Variants in LYN observed in about 807,000 individuals in gnomAD.
The protein encoded by LYN is tyrosine-protein kinase Lyn.
Under a neutral mutation model 65.0 loss-of-function variants are expected in LYN, and 12 were observed. The observed-to-expected ratio is 0.18, with a 90% CI of 0.12 to 0.30. LYN has a LOEUF of 0.30. Ranked by LOEUF, LYN falls within the 10% of genes least tolerant of loss-of-function variation. The probability of loss-of-function intolerance (pLI) is 1.00; values close to 1 mark genes in which losing one functional copy is unlikely to be tolerated. For missense variants in LYN, 380 were observed against 623.2 expected, an observed-to-expected ratio of 0.61 and a Z score of 4.16; for synonymous variants, 222 against 221.2, an observed-to-expected ratio of 1.00 and a Z score of -0.03.
At chr8:55,991,330 C>G (rs1346866208) in intron 10 of LYN, among the ~76,000 whole-genome samples, 1 of 152,204 alleles carries the variant, frequency 6.6e-6, no homozygotes, top group Non-Finnish European at 1.5e-5. Flanking sequence ...TTTCTCTGGT[C>G]CACTTGTGCC....
chr8:55,911,960 T>G (rs963781113), intron 1 of LYN, among the ~76,000 whole-genome samples: 3 of 152,104 alleles, frequency 2.0e-5, no homozygotes, highest in Admixed American at 6.5e-5. Flanking sequence ...GAAGTTTGAT[T>G]CTGAGTGAGC....
chr8:56,009,523 T>C (rs1808758213), intron 12 of LYN, among the ~76,000 whole-genome samples: 1 of 152,200 alleles, frequency 6.6e-6, no homozygotes, highest in African/African-American at 2.4e-5. Flanking sequence ...TCCTGAGGCC[T>C]CTCTCCTGGA....
chr8:55,984,283 G>A (rs562002400), intron 10 of LYN, among the ~76,000 whole-genome samples: 7 of 152,246 alleles, frequency 4.6e-5, no homozygotes, highest in South Asian at 2.1e-4. Context: ...TCTAGACTCC[G>A]GCCACTCCGA....
chr8:55,916,053 G>A lies in LYN; in HGVS notation c.-5-25802G>A, dbSNP rs182229617. ...ATATAAAATAATGGTATAAAAATTA[G>A]AGCTATCTTAAGTTCAGTAAATATA... is the stretch of plus-strand genomic sequence containing the variant. On this transcript the variant is annotated intron_variant, in intron 1 of 12. Transcript: ENST00000519728. Among the ~76,000 whole-genome samples the A allele has an allele frequency of 4.7e-3, 720 of 152,256 alleles. 3 individuals are homozygous for A. Among genetic ancestry groups the A allele is most frequent in the African/African-American group, 0.016 (663 of 41,530 alleles).
intron 1 of LYN, among the ~76,000 whole-genome samples, chr8:55,893,094 C>T (rs373423378): frequency 5.3e-5 from 8 of 152,272 alleles, no homozygotes; most frequent in South Asian, 4.2e-4. Flanking sequence ...TGGCTACCAC[C>T]GGCATCTCTC....
At chr8:55,918,532 TG>T (rs1805844285) in intron 1 of LYN, among the ~76,000 whole-genome samples, 2 of 152,322 alleles carry the variant, frequency 1.3e-5, no homozygotes, top group Admixed American at 6.5e-5. Flanking sequence ...TATGTTTAAG[TG>T]AATCAAGAAG....
intron 8 of LYN, among the ~76,000 whole-genome samples, chr8:55,958,504 C>T (rs77849362): frequency 0.029 from 4,442 of 152,228 alleles, 224 homozygotes; most frequent in African/African-American, 0.1. Context: ...TGTGTTTTAG[C>T]GATGTTTAGG....
At chr8:56,009,773 C>G in intron 12 of LYN, 135 bp from the exon 13 acceptor site, 1 of 708,940 alleles carries the variant, frequency 1.4e-6, no homozygotes, top group Non-Finnish European at 2.3e-6. Context: ...TGTTCAACCC[C>G]TAACAGCCTC....
At chr8:55,908,535 G>A (rs1173495098) in intron 1 of LYN, among the ~76,000 whole-genome samples, 1 of 152,006 alleles carries the variant, frequency 6.6e-6, no homozygotes, top group Non-Finnish European at 1.5e-5. Context: ...CTGAGCCACC[G>A]TGCCAAGGCT....
chr8:55,915,508 C>T (rs757156499), intron 1 of LYN, among the ~76,000 whole-genome samples: 3 of 152,064 alleles, frequency 2.0e-5, no homozygotes, highest in Non-Finnish European at 4.4e-5. Context: ...AGTTTGAGAC[C>T]AGCCTGGTCA....
At chr8:55,971,382 A>G (rs1319244702) in intron 10 of LYN, among the ~76,000 whole-genome samples, 1 of 152,228 alleles carries the variant, frequency 6.6e-6, no homozygotes, top group African/African-American at 2.4e-5. Flanking sequence ...CAGGAAATGG[A>G]GAAAGCAGAA....
intron 1 of LYN, among the ~76,000 whole-genome samples, chr8:55,911,641 T>A (rs551359416): frequency 6.8e-6 from 1 of 146,664 alleles, no homozygotes; most frequent in African/African-American, 2.5e-5. Flanking sequence ...TAGGGTGTCC[T>A]GTATTTTATC....
chr8:55,894,090 A>G (rs1355587760), intron 1 of LYN: 1 of 152,278 alleles, frequency 6.6e-6, no homozygotes, highest in Admixed American at 6.5e-5. Flanking sequence ...TGAAAAAGTC[A>G]CAAGTGAAGT....
chr8:56,004,878 G>A (rs1297915368), intron 12 of LYN, among the ~76,000 whole-genome samples: 3 of 151,764 alleles, frequency 2.0e-5, no homozygotes, highest in African/African-American at 7.3e-5. Context: ...TTTAATTCCT[G>A]GGCTCAAGTG....
chr8:56,010,087 G>A lies in LYN; in HGVS notation c.1516G>A (p.Gly506Arg). 6.2e-7 allele frequency: 1 copy of A among 1,614,174 alleles called. No individual in the cohort carries two copies. Among genetic ancestry groups the A allele is most frequent in the Non-Finnish European group, 8.5e-7 (1 of 1,180,016 alleles). Residue 506 changes from glycine (G) to arginine (R), a missense_variant, in exon 13 of 13, where the codon GGG (glycine) becomes AGG (arginine). By Grantham distance (125) the Gly-to-Arg change is moderately radical (BLOSUM62 -2). Transcript: ENST00000519728. ...VLDDFYTATE[G>R]QYQQQP ...GGATGATTTCTACACAGCCACGGAA[G>A]GGCAATACCAGCAGCAGCCTTAGAG...
intron 2 of LYN, among the ~76,000 whole-genome samples, chr8:55,945,569 C>G (rs768238641): frequency 6.6e-6 from 1 of 152,186 alleles, no homozygotes; most frequent in Non-Finnish European, 1.5e-5. Context: ...CAAAGAGAGA[C>G]AGAAAAGTTA....
chr8:55,918,633 G>A (rs1455196656), intron 1 of LYN, among the ~76,000 whole-genome samples: 2 of 152,204 alleles, frequency 1.3e-5, no homozygotes, highest in African/African-American at 4.8e-5. Flanking sequence ...CCCAGATTGA[G>A]TGGTGCCAGG....
chr8:55,907,950 C>T (rs1478898561), intron 1 of LYN, among the ~76,000 whole-genome samples: 1 of 152,032 alleles, frequency 6.6e-6, no homozygotes, highest in Non-Finnish European at 1.5e-5. Context: ...GGCTTAATTA[C>T]TATTGCAAAC....
intron 10 of LYN, among the ~76,000 whole-genome samples, chr8:55,990,564 A>G (rs1808220775): frequency 1.3e-5 from 2 of 152,352 alleles, no homozygotes; most frequent in African/African-American, 4.8e-5. Flanking sequence ...TGTCAGAGAA[A>G]TATATTTTAA....
Sources: allele counts gnomAD v4.1 joint callset (sites outside exome capture counted in the v4.1 genomes callset), GRCh38; gene constraint gnomAD v4.1.1; transcripts MANE v1.5; gene names NCBI Gene and HGNC (gene_info 2026-07-23, HGNC 2026-07-21).